SLC4A10: variants seen among roughly 807,000 people sequenced by gnomAD.
SLC4A10 encodes the protein sodium-driven chloride bicarbonate exchanger.
In SLC4A10, 42 loss-of-function variants were observed where a neutral mutation model predicts 137.7. That is an observed-to-expected ratio of 0.30 (90% CI 0.24 to 0.39). The LOEUF is 0.39. Ranked by LOEUF, SLC4A10 falls within the 10% of genes least tolerant of loss-of-function variation. SLC4A10 has a pLI of 1.00. For missense variants in SLC4A10, 925 were observed against 1,355.0 expected (o/e 0.68, Z 4.98); for synonymous variants, 474 against 464.1 (o/e 1.02, Z -0.27).
chr2:161,872,928 G>A (rs2061227875), intron 7 of SLC4A10, among the ~76,000 whole-genome samples: 1 of 152,044 alleles, frequency 6.6e-6, no homozygotes, highest in Admixed American at 6.5e-5. Context: ...TGGACAGGCT[G>A]GTCTCGAACT....
chr2:161,750,446 C>T (rs1342411295), intron 1 of SLC4A10, among the ~76,000 whole-genome samples: 2 of 151,400 alleles, frequency 1.3e-5, no homozygotes, highest in Non-Finnish European at 3.0e-5. Flanking sequence ...TTTTCTTTTG[C>T]CTTGAGATAT....
intron 10 of SLC4A10, among the ~76,000 whole-genome samples, chr2:161,886,512 C>T (rs1008466848): frequency 1.3e-5 from 2 of 151,906 alleles, no homozygotes; most frequent in Admixed American, 6.6e-5. Context: ...ACTTTGGCAC[C>T]GTCATTCTAC....
intron 1 of SLC4A10, among the ~76,000 whole-genome samples, chr2:161,702,295 A>G (rs1197620530): frequency 1.3e-5 from 2 of 151,890 alleles, no homozygotes; most frequent in East Asian, 3.8e-4. Flanking sequence ...AAATAAGCCA[A>G]GATTGCATTT....
At chr2:161,653,708 A>C (rs1292121475) in intron 1 of SLC4A10, among the ~76,000 whole-genome samples, 1 of 152,238 alleles carries the variant, frequency 6.6e-6, no homozygotes, top group East Asian at 1.9e-4. Flanking sequence ...CTATGTTGTC[A>C]AATATGGCAG....
At chr2:161,778,359 T>C (rs1272564682) in intron 2 of SLC4A10, among the ~76,000 whole-genome samples, 1 of 151,994 alleles carries the variant, frequency 6.6e-6, no homozygotes, top group African/African-American at 2.4e-5. Context: ...ATGCCTTTTC[T>C]TATATAATTG....
At chr2:161,824,453 C>T (rs1233116173) in intron 3 of SLC4A10, among the ~76,000 whole-genome samples, 1 of 152,082 alleles carries the variant, frequency 6.6e-6, no homozygotes, top group Non-Finnish European at 1.5e-5. Context: ...CACAGCCAAT[C>T]AAGGAAATTA....
At chr2:161,940,177 T>A (rs1692415714) in intron 15 of SLC4A10, among the ~76,000 whole-genome samples, 2 of 152,050 alleles carry the variant, frequency 1.3e-5, no homozygotes, top group South Asian at 4.2e-4. Flanking sequence ...ACAACCCACT[T>A]CCCTTCCTCT....
intron 4 of SLC4A10, among the ~76,000 whole-genome samples, chr2:161,841,068 G>GTTTATTTA (rs370810966): frequency 5.9e-5 from 9 of 151,658 alleles, no homozygotes; most frequent in Non-Finnish European, 8.8e-5. Flanking sequence ...CAGGTTTAGT[G>GTTTATTTA]TTTATTTATT....
intron 2 of SLC4A10, among the ~76,000 whole-genome samples, chr2:161,796,932 T>A (rs2054836480): frequency 6.6e-6 from 1 of 152,118 alleles, no homozygotes; most frequent in Admixed American, 6.6e-5. Flanking sequence ...CATTTTTTTG[T>A]TCATCTCCTA....
At chr2:161,756,116 T>G (rs1486832937) in intron 1 of SLC4A10, among the ~76,000 whole-genome samples, 1 of 152,140 alleles carries the variant, frequency 6.6e-6, no homozygotes. Flanking sequence ...GCTGTACCAT[T>G]TGATTGAATT....
chr2:161,730,934 A>G (rs1398881671), intron 1 of SLC4A10, among the ~76,000 whole-genome samples: 1 of 152,174 alleles, frequency 6.6e-6, no homozygotes, highest in Non-Finnish European at 1.5e-5. Context: ...GACCTATAGT[A>G]TTTACAGTTA....
chr2:161,713,200 A>T (rs765600770), intron 1 of SLC4A10, among the ~76,000 whole-genome samples: 1 of 151,876 alleles, frequency 6.6e-6, no homozygotes, highest in Non-Finnish European at 1.5e-5. Flanking sequence ...TTGGGACCAG[A>T]TAAGTGTAGA....
intron 2 of SLC4A10, among the ~76,000 whole-genome samples, chr2:161,775,574 A>G (rs916549199): frequency 1.3e-5 from 2 of 151,904 alleles, no homozygotes; most frequent in Non-Finnish European, 2.9e-5. Flanking sequence ...AATCTGATGA[A>G]AAAACAATAT....
intron 1 of SLC4A10, among the ~76,000 whole-genome samples, chr2:161,710,997 G>A (rs944591939): frequency 6.6e-6 from 1 of 151,726 alleles, no homozygotes; most frequent in Non-Finnish European, 1.5e-5. Flanking sequence ...AATCCTAGAA[G>A]GAGTTACATG....
intron 15 of SLC4A10, among the ~76,000 whole-genome samples, chr2:161,935,535 G>T (rs922268864): frequency 9.9e-5 from 15 of 152,008 alleles, no homozygotes; most frequent in African/African-American, 3.6e-4. Context: ...TTTTATATGT[G>T]TCCTCTACAA....
chr2:161,963,358 G>A (rs1246751062), intron 21 of SLC4A10, among the ~76,000 whole-genome samples: 1 of 152,038 alleles, frequency 6.6e-6, no homozygotes, highest in African/African-American at 2.4e-5. Flanking sequence ...CATTGATTGA[G>A]ATGAAAATAA....
intron 10 of SLC4A10, among the ~76,000 whole-genome samples, chr2:161,892,653 A>C (rs1446363208): frequency 6.6e-6 from 1 of 152,120 alleles, no homozygotes; most frequent in Non-Finnish European, 1.5e-5. Flanking sequence ...TGAAAGCAGA[A>C]TTTTCCTGGC....
intron 1 of SLC4A10, among the ~76,000 whole-genome samples, chr2:161,680,404 A>T (rs2040724776): frequency 6.6e-6 from 1 of 152,134 alleles, no homozygotes; most frequent in African/African-American, 2.4e-5. Flanking sequence ...GTGGGAATTA[A>T]CATTGTGTGT....
chr2:161,683,441 C>T (rs980650735), intron 1 of SLC4A10, among the ~76,000 whole-genome samples: 4 of 152,052 alleles, frequency 2.6e-5, no homozygotes, highest in African/African-American at 9.7e-5. Flanking sequence ...GCCAAAGGGA[C>T]AGCTTCAAAT....
Sources: gnomAD v4.1 joint callset for allele counts (sites outside exome capture counted in the v4.1 genomes callset) on GRCh38, gnomAD v4.1.1 for gene constraint, MANE v1.5 for transcripts, NCBI Gene and HGNC (gene_info 2026-07-23, HGNC 2026-07-21) for gene names.